The following SLC71A2 variants were observed in gnomAD, a reference collection of about 807,000 sequenced individuals.
The protein encoded by SLC71A2 is hippocampus abundant transcript-like 1.
At chr9:94,438,628 G>T in the SLC71A2 span, 1 of 1,492,768 alleles carries the variant, frequency 6.7e-7, no homozygotes, top group Admixed American at 2.2e-5. Flanking sequence ...CAAAGCAGTT[G>T]TGCTTGTGTT....
At chr9:94,411,595 T>G in the SLC71A2 span, among the ~76,000 whole-genome samples, 3 of 142,726 alleles carry the variant, frequency 2.1e-5, no homozygotes, top group Non-Finnish European at 3.0e-5. Context: ...GTTAGCCGAT[T>G]TTTTTTTTTT....
chr9:94,391,699 C>T, the SLC71A2 span, among the ~76,000 whole-genome samples: 1 of 148,408 alleles, frequency 6.7e-6, no homozygotes, highest in Non-Finnish European at 1.5e-5. Flanking sequence ...ACCAGCCTGG[C>T]CAACATAGTG....
At chr9:94,435,856 G>A in the SLC71A2 span, among the ~76,000 whole-genome samples, 1 of 151,868 alleles carries the variant, frequency 6.6e-6, no homozygotes, top group Admixed American at 6.6e-5. Flanking sequence ...GTTTCACCAT[G>A]GCCAGGCTGG....
the SLC71A2 span, among the ~76,000 whole-genome samples, chr9:94,445,570 G>C: frequency 6.6e-6 from 1 of 152,044 alleles, no homozygotes; most frequent in East Asian, 1.9e-4. Flanking sequence ...TTTTAATTTT[G>C]ACCAGAGACG....
the SLC71A2 span, among the ~76,000 whole-genome samples, chr9:94,413,491 C>T: frequency 9.9e-5 from 15 of 151,762 alleles, no homozygotes; most frequent in South Asian, 4.2e-4. Flanking sequence ...TATCAGTATT[C>T]GATTGGTTAA....
At chr9:94,399,036 G>A in the SLC71A2 span, among the ~76,000 whole-genome samples, 4 of 151,334 alleles carry the variant, frequency 2.6e-5, no homozygotes, top group Admixed American at 6.6e-5. Flanking sequence ...GGCTGGTTTC[G>A]AACTCCTGAC....
chr9:94,384,336 CTTT>C, the SLC71A2 span, among the ~76,000 whole-genome samples: 5 of 133,282 alleles, frequency 3.8e-5, no homozygotes, highest in African/African-American at 5.5e-5. Context: ...TCAAATTTTC[CTTT>C]TTTTTTTTTT....
the SLC71A2 span, among the ~76,000 whole-genome samples, chr9:94,457,814 A>G: frequency 6.6e-6 from 1 of 152,252 alleles, no homozygotes; most frequent in African/African-American, 2.4e-5. Flanking sequence ...TTCATTTCAT[A>G]CAGTTCAAGC....
the SLC71A2 span, among the ~76,000 whole-genome samples, chr9:94,434,390 G>A: frequency 1.3e-5 from 2 of 152,150 alleles, no homozygotes; most frequent in Non-Finnish European, 2.9e-5. Context: ...ATCTCAGCTT[G>A]CTGCAACTCC....
the SLC71A2 span, among the ~76,000 whole-genome samples, chr9:94,428,314 A>C: frequency 5.4e-5 from 8 of 147,494 alleles, no homozygotes. Flanking sequence ...TTTTCTTATA[A>C]CTTTGGTATT....
At chr9:94,424,559 G>A in the SLC71A2 span, among the ~76,000 whole-genome samples, 2 of 151,804 alleles carry the variant, frequency 1.3e-5, no homozygotes, top group Middle Eastern at 3.2e-3. Context: ...AAATTCCTTA[G>A]TGTGGTTCAT....
the SLC71A2 span, among the ~76,000 whole-genome samples, chr9:94,402,045 C>T: frequency 6.6e-6 from 1 of 152,248 alleles, no homozygotes; most frequent in South Asian, 2.1e-4. Context: ...GACCAGAGAT[C>T]ACTCTCATTT....
the SLC71A2 span, among the ~76,000 whole-genome samples, chr9:94,450,507 T>TTTTTTTTTTTTTTTTTTTTTTTC: frequency 2.8e-3 from 387 of 137,252 alleles, 34 homozygotes; most frequent in African/African-American, 6.1e-3. Flanking sequence ...TTTTTTTTTT[T>TTTTTTTTTTTTTTTTTTTTTTTC]GAGATGGAGT....
the SLC71A2 span, among the ~76,000 whole-genome samples, chr9:94,427,471 G>A: frequency 2.7e-4 from 40 of 150,552 alleles, no homozygotes; most frequent in African/African-American, 8.4e-4. Context: ...CCATAGATAC[G>A]GTTTTGCCAA....
chr9:94,451,870 C>G, the SLC71A2 span, among the ~76,000 whole-genome samples: 1 of 152,260 alleles, frequency 6.6e-6, no homozygotes, highest in Admixed American at 6.5e-5. Context: ...GGCATCCACT[C>G]TTGTCTTCAG....
the SLC71A2 span, among the ~76,000 whole-genome samples, chr9:94,436,476 C>G: frequency 1.3e-5 from 2 of 152,242 alleles, no homozygotes; most frequent in Non-Finnish European, 2.9e-5. Flanking sequence ...CTGTGTCCAT[C>G]TAGCTATGCC....
the SLC71A2 span, chr9:94,459,584 T>C: frequency 5.4e-6 from 3 of 556,172 alleles, no homozygotes; most frequent in African/African-American, 2.0e-5. Context: ...TTTTTTTTTT[T>C]CTCTTACATT....
chr9:94,379,745 A>G, the SLC71A2 span, among the ~76,000 whole-genome samples: 1 of 152,202 alleles, frequency 6.6e-6, no homozygotes, highest in Non-Finnish European at 1.5e-5. Context: ...TTAATTTTGT[A>G]GGATCTTCTG....
the SLC71A2 span, among the ~76,000 whole-genome samples, chr9:94,385,396 G>T: frequency 1.3e-5 from 2 of 152,150 alleles, no homozygotes; most frequent in Non-Finnish European, 2.9e-5. Context: ...CATTTTAAAA[G>T]TTTGTGGTTT....
Sources: gnomAD v4.1 joint callset for allele counts (sites outside exome capture counted in the v4.1 genomes callset) on GRCh38, gnomAD v4.1.1 for gene constraint, MANE v1.5 for transcripts, NCBI Gene and HGNC (gene_info 2026-07-23, HGNC 2026-07-21) for gene names.